Variants in SHROOM2 observed in about 807,000 individuals in gnomAD.
SHROOM2 encodes the protein shroom family member 2.
SHROOM2 carries 33 observed loss-of-function variants against 75.9 expected under a neutral mutation model. That is an observed-to-expected ratio of 0.43 (90% CI 0.33 to 0.58). The LOEUF (loss-of-function observed/expected upper bound fraction) is 0.58. SHROOM2 is among the 20% of genes least tolerant of loss of function. SHROOM2 has a pLI of 0.04. For synonymous variants in SHROOM2, 655 were observed against 663.6 expected (o/e 0.99, Z 0.20); for missense variants, 1,434 against 1,461.2 (o/e 0.98, Z 0.30).
rs184164778 is a variant in SHROOM2, at chrX:9,904,562, C to G, written c.2891+6272C>G. ...AGCGGCCTCTCTTGGGGGAGAGACTCCCGTAGCACGTGCTGACGTGGCAGC... is the reference window on the plus strand; with the variant it reads ...AGCGGCCTCTCTTGGGGGAGAGACTGCCGTAGCACGTGCTGACGTGGCAGC... On this transcript the variant is annotated intron_variant, in intron 5 of 9. Coordinates refer to ENST00000380913, the MANE Select transcript of SHROOM2 (RefSeq NM_001649.4). Among the ~76,000 whole-genome samples the G allele has an allele frequency of 4.5e-5, 5 of 111,877 alleles. No homozygotes were observed. In the East Asian group the frequency reaches 1.4e-3, roughly 32 times the overall value.
Position 9,949,362 on chromosome X carries a change from T to C in SHROOM2, c.*2425T>C. 2 of 330,913 alleles carry C rather than the reference T, an allele frequency of 6.0e-6. No individual in the cohort carries two copies. The highest frequency in any genetic ancestry group is 5.2e-5 in the South Asian group (2 of 38,518). The allele number at this position is 330,913 out of a possible 1,213,427, so 27.3% of individuals were successfully genotyped here. A position where few individuals can be genotyped will look rare whatever the true frequency, so the allele number is the denominator to read the frequency against. ...CCACCACAGCAAATGTGTGTAGATT[T>C]CATGCTCGACACTTACCACTCACCT... On this transcript the variant is annotated 3_prime_UTR_variant, in exon 10 of 10. Transcript: ENST00000380913.
At chrX:9,809,315 C>G (rs1004588992) in intron 1 of SHROOM2, among the ~76,000 whole-genome samples, 2 of 111,124 alleles carry the variant, frequency 1.8e-5, no homozygotes, top group East Asian at 2.8e-4. Context: ...AGACCAGTCT[C>G]TCCTTTTCAC....
At chrX:9,808,468 G>A (rs2083769758) in intron 1 of SHROOM2, among the ~76,000 whole-genome samples, 1 of 110,193 alleles carries the variant, frequency 9.1e-6, no homozygotes, top group Non-Finnish European at 1.9e-5. Flanking sequence ...GATTTGGCTT[G>A]AGTCAGAGAG....
chrX:9,817,929 TGAA>T (rs1436814656), intron 1 of SHROOM2, among the ~76,000 whole-genome samples: 2 of 112,137 alleles, frequency 1.8e-5, no homozygotes, highest in Admixed American at 1.9e-4. Flanking sequence ...GCCAAATATC[TGAA>T]GAATGGCCAA....
chrX:9,795,726 T>G (rs940738713), intron 1 of SHROOM2, among the ~76,000 whole-genome samples: 14 of 40,703 alleles, frequency 3.4e-4, no homozygotes, highest in African/African-American at 1.4e-3. Context: ...GGCTGTATCT[T>G]TCTCTTTTTT....
intron 1 of SHROOM2, among the ~76,000 whole-genome samples, chrX:9,834,833 T>A (rs1406362834): frequency 9.0e-6 from 1 of 111,445 alleles, no homozygotes; most frequent in Non-Finnish European, 1.9e-5. Flanking sequence ...GAGAGGGGTG[T>A]TTGCAAGGTG....
At chrX:9,830,851 C>T (rs1601932850) in intron 1 of SHROOM2, among the ~76,000 whole-genome samples, 1 of 110,886 alleles carries the variant, frequency 9.0e-6, no homozygotes, top group Non-Finnish European at 1.9e-5. Flanking sequence ...GTGATCTGCC[C>T]GTCTCGGCCT....
chrX:9,894,316 G>A, intron 3 of SHROOM2, 42 bp from the exon 4 acceptor site: 5 of 1,168,918 alleles, frequency 4.3e-6, no homozygotes, highest in Non-Finnish European at 5.8e-6. Context: ...CATTGCTGTT[G>A]CTAAAGCACA....
At chrX:9,818,312 T>C in intron 1 of SHROOM2, 1 of 236,499 alleles carries the variant, frequency 4.2e-6, no homozygotes, top group Non-Finnish European at 8.5e-6. Context: ...ACTGGCAGTC[T>C]TCTAATACAC....
Position 9,949,178 on chromosome X carries a change from C to T in SHROOM2, c.*2241C>T. ...CCCAAAGATTCTAGTGAGTCAACAT[C>T]CATAACTCTGTATCTAGTTGTATTA... On this transcript the variant is annotated 3_prime_UTR_variant, in exon 10 of 10. Coordinates refer to ENST00000380913, the MANE Select transcript of SHROOM2 (RefSeq NM_001649.4). 1 of 257,683 alleles carries T rather than the reference C, an allele frequency of 3.9e-6. No individual in the cohort carries two copies. The highest frequency in any genetic ancestry group is 7.4e-6 in the Non-Finnish European group (1 of 135,185). 21.2% of individuals were successfully genotyped at this position (257,683 alleles called of 1,213,427 possible).
chrX:9,933,911 G>T (rs1051952928), intron 6 of SHROOM2, among the ~76,000 whole-genome samples: 1 of 112,221 alleles, frequency 8.9e-6, no homozygotes, highest in African/African-American at 3.2e-5. Context: ...CTAGGAGGTG[G>T]AGTGTGATTT....
intron 5 of SHROOM2, among the ~76,000 whole-genome samples, chrX:9,907,663 G>A (rs1278375360): frequency 2.7e-5 from 3 of 111,866 alleles, no homozygotes; most frequent in Non-Finnish European, 3.8e-5. Context: ...CACTGGTTTC[G>A]AGTTCTAGGG....
In SHROOM2 at chrX:9,910,306, C is replaced by T. The variant is rs760219697; in HGVS notation, c.2891+12016C>T. Among the ~76,000 whole-genome samples the T allele has an allele frequency of 3.6e-5, 4 of 111,646 alleles. No individual in the cohort carries two copies. The Admixed American group carries it at 3.8e-4, about 11-fold the overall frequency. On this transcript the variant is annotated intron_variant, in intron 5 of 9. Transcript: ENST00000380913. ...ATTGATTCATTAACTATGACAAACA[C>T]ACCCCATAGTAAGTCAGATATTAAT...
At chrX:9,920,390 G>A (rs747700486) in intron 5 of SHROOM2, among the ~76,000 whole-genome samples, 35 of 112,391 alleles carry the variant, frequency 3.1e-4, no homozygotes, top group Non-Finnish European at 5.8e-4. Context: ...ATACACATTT[G>A]TGGCTCAGAA....
At chrX:9,917,432 A>G (rs189318111) in intron 5 of SHROOM2, among the ~76,000 whole-genome samples, 64 of 112,739 alleles carry the variant, frequency 5.7e-4, no homozygotes, top group African/African-American at 1.9e-3. Context: ...AGTGGGGACC[A>G]CATAAACATA....
chrX:9,809,235 C>T lies in SHROOM2; in HGVS notation c.165+22525C>T, dbSNP rs751155293. On this transcript the variant is annotated intron_variant, in intron 1 of 9. Coordinates refer to ENST00000380913, the MANE Select transcript of SHROOM2 (RefSeq NM_001649.4). ...GAGCAAGGAGAGCCAGTCCGAGTCCCAAAACTGAAGAACCTGGAGTCTGAT... is the reference window on the plus strand; with the variant it reads ...GAGCAAGGAGAGCCAGTCCGAGTCCTAAAACTGAAGAACCTGGAGTCTGAT... Among the ~76,000 whole-genome samples, 8 of 111,294 alleles carry T rather than the reference C, an allele frequency of 7.2e-5. No individual in the cohort carries two copies. In the South Asian group the frequency reaches 1.2e-3, roughly 16 times the overall value.
At chrX:9,923,048 T>C (rs998458367) in intron 5 of SHROOM2, among the ~76,000 whole-genome samples, 20 of 112,098 alleles carry the variant, frequency 1.8e-4, no homozygotes, top group Admixed American at 2.8e-4. Context: ...TTGAAAGCAC[T>C]GTGAAGGGAA....
chrX:9,873,566 G>C (rs2084182284), intron 1 of SHROOM2, 86 bp from the exon 2 acceptor site: 3 of 1,074,568 alleles, frequency 2.8e-6, no homozygotes, highest in Admixed American at 4.6e-5. Context: ...CCAAGTGTGA[G>C]GTATGTCTGC....
At chrX:9,875,076 GTC>G (rs2084191132) in intron 2 of SHROOM2, among the ~76,000 whole-genome samples, 1 of 3,500 alleles carries the variant, frequency 2.9e-4, no homozygotes, top group Non-Finnish European at 1.1e-3. Flanking sequence ...GCAAGACCCT[GTC>G]TCAAAAAAAA....
Sources: gnomAD v4.1 joint callset for allele counts (sites outside exome capture counted in the v4.1 genomes callset) on GRCh38, gnomAD v4.1.1 for gene constraint, MANE v1.5 for transcripts, NCBI Gene and HGNC (gene_info 2026-07-23, HGNC 2026-07-21) for gene names.